NTNG1: variants seen among roughly 807,000 people sequenced by gnomAD.
NTNG1 encodes netrin-G1.
Under a neutral mutation model 54.0 loss-of-function variants are expected in NTNG1, and 16 were observed. The ratio of observed to expected loss-of-function variants is 0.30; its 90% CI spans 0.20 to 0.45. NTNG1 has a LOEUF of 0.45. Ranked by LOEUF, NTNG1 falls within the 20% of genes least tolerant of loss-of-function variation. NTNG1 has a pLI of 1.00. For missense variants in NTNG1, 530 were observed against 678.7 expected (o/e 0.78, Z 2.43); for synonymous variants, 255 against 263.1 (o/e 0.97, Z 0.30).
intron 7 of NTNG1, among the ~76,000 whole-genome samples, chr1:107,455,806 A>C (rs1354284771): frequency 6.6e-6 from 1 of 152,212 alleles, no homozygotes; most frequent in African/African-American, 2.4e-5. Flanking sequence ...AGGAATGGTA[A>C]GAATTCTCTT....
intron 3 of NTNG1, among the ~76,000 whole-genome samples, chr1:107,383,134 G>A (rs868293661): frequency 6.6e-6 from 1 of 152,168 alleles, no homozygotes; most frequent in Non-Finnish European, 1.5e-5. Context: ...TAATCAGAGT[G>A]TAATATAACC....
intron 2 of NTNG1, among the ~76,000 whole-genome samples, chr1:107,251,667 A>G (rs1006223246): frequency 3.9e-5 from 6 of 151,930 alleles, no homozygotes; most frequent in Non-Finnish European, 8.8e-5. Flanking sequence ...GTCTCCTACA[A>G]CTCAACTCTG....
At chr1:107,478,587 C>G (rs556653542) in intron 7 of NTNG1, among the ~76,000 whole-genome samples, 1 of 152,130 alleles carries the variant, frequency 6.6e-6, no homozygotes, top group African/African-American at 2.4e-5. Context: ...GATTTCTTCT[C>G]AATTATTCAA....
intron 2 of NTNG1, among the ~76,000 whole-genome samples, chr1:107,203,933 T>G (rs924135610): frequency 2.0e-5 from 3 of 151,998 alleles, no homozygotes; most frequent in African/African-American, 7.2e-5. Flanking sequence ...AGTTTAAAGT[T>G]TATTCCACTA....
intron 3 of NTNG1, among the ~76,000 whole-genome samples, chr1:107,367,214 C>T (rs947805311): frequency 1.3e-5 from 2 of 152,102 alleles, no homozygotes; most frequent in Non-Finnish European, 2.9e-5. Flanking sequence ...TAGGCTTGGC[C>T]ATTTTAAACC....
intron 2 of NTNG1, among the ~76,000 whole-genome samples, chr1:107,270,537 T>C (rs1024352468): frequency 1.3e-5 from 2 of 152,156 alleles, no homozygotes; most frequent in African/African-American, 2.4e-5. Flanking sequence ...TCAATACATA[T>C]TTACCAGTAT....
chr1:107,292,054 T>C (rs78407318), intron 2 of NTNG1, among the ~76,000 whole-genome samples: 8,610 of 152,156 alleles, frequency 0.057, 398 homozygotes, highest in East Asian at 0.15. Context: ...GGCAATGGGT[T>C]GATAAACATA....
intron 3 of NTNG1, among the ~76,000 whole-genome samples, chr1:107,375,764 A>T (rs946320728): frequency 6.6e-6 from 1 of 152,162 alleles, no homozygotes; most frequent in Non-Finnish European, 1.5e-5. Flanking sequence ...ATTTTTAGCT[A>T]CCCCAAGAGG....
chr1:107,457,177 T>A (rs1677003604), intron 7 of NTNG1, among the ~76,000 whole-genome samples: 1 of 152,196 alleles, frequency 6.6e-6, no homozygotes, highest in Non-Finnish European at 1.5e-5. Context: ...CATTAAGAAA[T>A]CACTCTTGGA....
intron 2 of NTNG1, among the ~76,000 whole-genome samples, chr1:107,176,978 A>C (rs1027979908): frequency 6.6e-6 from 1 of 152,210 alleles, no homozygotes; most frequent in East Asian, 1.9e-4. Context: ...GCAAACCATC[A>C]TATCTTCAGA....
chr1:107,428,364 A>AT (rs1177869805), intron 5 of NTNG1, among the ~76,000 whole-genome samples: 1 of 151,736 alleles, frequency 6.6e-6, no homozygotes, highest in African/African-American at 2.4e-5. Flanking sequence ...TGCACATACT[A>AT]TTTTTTTCTG....
chr1:107,216,350 T>A (rs1659957394), intron 2 of NTNG1, among the ~76,000 whole-genome samples: 1 of 152,208 alleles, frequency 6.6e-6, no homozygotes, highest in African/African-American at 2.4e-5. Flanking sequence ...AGGGTTTTAA[T>A]CATAAGTGGA....
In NTNG1 at chr1:107,418,537, A is replaced by G. The variant is rs12731224; in HGVS notation, c.1087+10829A>G. On this transcript the variant is annotated intron_variant, in intron 5 of 7. Transcript: ENST00000370068. ...TTTTCTGTTTAGACCAAATGACATT[A>G]TAGCTGAAAATAACATACCCTGATT... 210,309 of 1,374,710 alleles carry G rather than the reference A, an allele frequency of 0.15. 17,043 individuals carry two copies. The highest frequency in any genetic ancestry group is 0.19 in the Admixed American group (9,063 of 48,178). The allele number at this position is 1,374,710 out of a possible 1,614,324, so 85.2% of individuals were successfully genotyped here.
At chr1:107,428,978 G>C (rs535458305) in intron 5 of NTNG1, among the ~76,000 whole-genome samples, 32 of 151,874 alleles carry the variant, frequency 2.1e-4, no homozygotes, top group Non-Finnish European at 3.4e-4. Context: ...TCCTACATTG[G>C]AGTCTCAATG....
At position 107,395,462 on chromosome 1, in the gene NTNG1, T is replaced by A. The variant is rs564387962; in HGVS notation, c.1060+136T>A. 77 of 841,354 alleles carry A rather than the reference T, an allele frequency of 9.2e-5. No individual in the cohort carries two copies. The South Asian group carries it at 9.7e-4, about 11-fold the overall frequency. 52.1% of individuals were successfully genotyped at this position (841,354 alleles called of 1,614,324 possible). A position where few individuals can be genotyped will look rare whatever the true frequency, so the allele number is the denominator to read the frequency against. On this transcript the variant is annotated intron_variant, in intron 4 of 7. Transcript: ENST00000370068. ...CTTTAAAGTGCAGCGAAAGTTTCAG[T>A]CCCTATCTTACCTCATGTAGACATC... is the stretch of plus-strand genomic sequence containing the variant.
intron 2 of NTNG1, among the ~76,000 whole-genome samples, chr1:107,300,861 A>C (rs1340939553): frequency 6.6e-6 from 1 of 152,202 alleles, no homozygotes; most frequent in Admixed American, 6.5e-5. Flanking sequence ...ATTCACGAGA[A>C]TCCAGATTAT....
intron 3 of NTNG1, among the ~76,000 whole-genome samples, chr1:107,365,307 G>A (rs1422205503): frequency 6.6e-6 from 1 of 151,980 alleles, no homozygotes; most frequent in Non-Finnish European, 1.5e-5. Flanking sequence ...CCTGTATTAG[G>A]AACTGTCCAA....
chr1:107,402,435 C>T (rs566144498), intron 4 of NTNG1, among the ~76,000 whole-genome samples: 1 of 152,240 alleles, frequency 6.6e-6, no homozygotes, highest in African/African-American at 2.4e-5. Flanking sequence ...TGTGAGGCTT[C>T]CACCTTCTGA....
chr1:107,259,678 T>G (rs1210967443), intron 2 of NTNG1, among the ~76,000 whole-genome samples: 8 of 152,136 alleles, frequency 5.3e-5, no homozygotes, highest in Admixed American at 5.2e-4. Flanking sequence ...CATTATATGT[T>G]CCTCCCCCGC....
Sources: gnomAD v4.1 joint callset for allele counts (sites outside exome capture counted in the v4.1 genomes callset) on GRCh38, gnomAD v4.1.1 for gene constraint, MANE v1.5 for transcripts, NCBI Gene and HGNC (gene_info 2026-07-23, HGNC 2026-07-21) for gene names.